RBFOX1: variants seen among roughly 807,000 people sequenced by gnomAD.
RBFOX1 encodes the protein RNA binding fox-1 homolog 1.
In RBFOX1, 8 loss-of-function variants were observed where a neutral mutation model predicts 57.7. The observed-to-expected ratio is 0.14, with a 90% confidence interval of 0.08 to 0.25. The LOEUF (loss-of-function observed/expected upper bound fraction) is 0.25. Among genes scored for constraint, RBFOX1 ranks in the 10% least tolerant of loss-of-function variants. The pLI is 1.00. For synonymous variants in RBFOX1, 326 were observed against 222.4 expected (o/e 1.47, Z -4.15); for missense variants, 611 against 548.5 (o/e 1.11, Z -1.14).
chr16:6,503,093 G>T (rs1054105828), intron 2 of RBFOX1, among the ~76,000 whole-genome samples: 11 of 152,148 alleles, frequency 7.2e-5, no homozygotes, highest in African/African-American at 2.7e-4. Context: ...ATTCTCAACA[G>T]ACCTAAGAAA....
At chr16:7,618,313 C>G (rs2058781294) in intron 10 of RBFOX1, among the ~76,000 whole-genome samples, 1 of 152,170 alleles carries the variant, frequency 6.6e-6, no homozygotes, top group Non-Finnish European at 1.5e-5. Flanking sequence ...GAGTAACAGT[C>G]TTATAATTAA....
At position 6,906,394 on chromosome 16, in the gene RBFOX1, G is replaced by C. The variant is rs538941900; in HGVS notation, c.-15-145663G>C. Among the ~76,000 whole-genome samples, 3 of 152,184 alleles carry C rather than the reference G, an allele frequency of 2.0e-5. No homozygotes were observed. The South Asian group carries it at 6.2e-4, about 32-fold the overall frequency. On this transcript the variant is annotated intron_variant, in intron 3 of 15. Transcript: ENST00000550418. ...AACACCGAAACTCATAAAAAATACA[G>C]GATAAACAATGCTGGAAGAAAATTA...
At chr16:5,966,450 C>CT (rs960664300) in intron 4 of RBFOX1, among the ~76,000 whole-genome samples, 4 of 152,068 alleles carry the variant, frequency 2.6e-5, no homozygotes, top group African/African-American at 9.6e-5. Context: ...ATGCCACACA[C>CT]TTTTTTTTGG....
chr16:6,172,284 C>G (rs927868428), intron 1 of RBFOX1, among the ~76,000 whole-genome samples: 1 of 151,294 alleles, frequency 6.6e-6, no homozygotes, highest in African/African-American at 2.4e-5. Flanking sequence ...CGGGGAGATA[C>G]AACGTCCTCA....
rs866776515 is a variant in RBFOX1 at position 7,332,706 on chromosome 16, G to C, written c.28-185441G>C. The C allele has an allele frequency of 3.8e-5, 39 of 1,018,758 alleles. No individual in the cohort carries two copies. The Middle Eastern group carries it at 1.9e-3, about 51-fold the overall frequency. The allele number at this position is 1,018,758 out of a possible 1,614,324, so 63.1% of individuals were successfully genotyped here. ...TCTCTCTGAGAACTAAATTAATGAAGAGTATTTGGTTAGTCATGTTAGGCA... is the reference window on the plus strand; with the variant it reads ...TCTCTCTGAGAACTAAATTAATGAACAGTATTTGGTTAGTCATGTTAGGCA... On this transcript the variant is annotated intron_variant, in intron 4 of 15. Transcript: ENST00000550418.
rs544758905 is a variant in RBFOX1 at position 5,871,636 on chromosome 16, C to A, written c.351+4301C>A. On this transcript the variant is annotated intron_variant, in intron 4 of 19. Transcript: ENST00000641259. ...CGTATGTCTGAGTCCTCTCCACCAC[C>A]AGCTGTATATTAACACAAAGATCTG... 6.9e-4 allele frequency among the ~76,000 whole-genome samples: 105 copies of A among 152,278 alleles called. No individual in the cohort carries two copies. In the South Asian group the frequency reaches 0.01, roughly 15 times the overall value.
chr16:6,520,845 T>A (rs2096484643), intron 2 of RBFOX1, among the ~76,000 whole-genome samples: 1 of 152,100 alleles, frequency 6.6e-6, no homozygotes, highest in Non-Finnish European at 1.5e-5. Flanking sequence ...CAAAAAGGAC[T>A]TTGAAGTGCT....
At chr16:7,698,100 G>T (rs1211125897) in intron 14 of RBFOX1, among the ~76,000 whole-genome samples, 1 of 152,040 alleles carries the variant, frequency 6.6e-6, no homozygotes, top group Non-Finnish European at 1.5e-5. Flanking sequence ...GAAAGTTAGT[G>T]GCTGAAAAAC....
intron 3 of RBFOX1, among the ~76,000 whole-genome samples, chr16:6,711,910 A>T (rs1215878735): frequency 6.6e-6 from 1 of 152,152 alleles, no homozygotes; most frequent in African/African-American, 2.4e-5. Flanking sequence ...GAGGTATTTT[A>T]TATTGAAAAT....
At chr16:7,176,445 CTA>C (rs2081661580) in intron 4 of RBFOX1, among the ~76,000 whole-genome samples, 1 of 151,906 alleles carries the variant, frequency 6.6e-6, no homozygotes, top group Non-Finnish European at 1.5e-5. Flanking sequence ...TACGAGGTAT[CTA>C]TTATGTGTAC....
At chr16:6,996,708 T>G (rs2092283091) in intron 3 of RBFOX1, among the ~76,000 whole-genome samples, 1 of 152,334 alleles carries the variant, frequency 6.6e-6, no homozygotes, top group East Asian at 1.9e-4. Flanking sequence ...CAATTGATAA[T>G]GCAGTGCTTC....
chr16:5,712,040 G>A (rs1032379777), intron 3 of RBFOX1, among the ~76,000 whole-genome samples: 1 of 152,226 alleles, frequency 6.6e-6, no homozygotes, highest in African/African-American at 2.4e-5. Context: ...TATGATGGAA[G>A]GGAAAGCAGG....
chr16:7,412,365 A>G (rs2098437663), intron 4 of RBFOX1, among the ~76,000 whole-genome samples: 1 of 149,948 alleles, frequency 6.7e-6, no homozygotes, highest in Non-Finnish European at 1.5e-5. Flanking sequence ...CAGGGAGCCG[A>G]GATCGCACCA....
intron 1 of RBFOX1, among the ~76,000 whole-genome samples, chr16:6,290,966 G>T (rs1411370527): frequency 6.6e-6 from 1 of 152,072 alleles, no homozygotes. Flanking sequence ...GCTGCTGGTT[G>T]CCTATTTTTG....
chr16:7,430,438 G>A (rs1182727025), intron 4 of RBFOX1, among the ~76,000 whole-genome samples: 1 of 152,096 alleles, frequency 6.6e-6, no homozygotes, highest in Non-Finnish European at 1.5e-5. Context: ...GAGGCAGGCA[G>A]ATCACAAGGT....
chr16:6,956,233 G>C (rs1427822143), intron 3 of RBFOX1, among the ~76,000 whole-genome samples: 1 of 152,156 alleles, frequency 6.6e-6, no homozygotes, highest in Non-Finnish European at 1.5e-5. Context: ...AGGCAGAGGA[G>C]AAGGACTTTG....
intron 3 of RBFOX1, among the ~76,000 whole-genome samples, chr16:5,714,888 A>T (rs563947655): frequency 6.4e-4 from 96 of 150,368 alleles, no homozygotes; most frequent in African/African-American, 2.4e-3. Context: ...CATCTCAGTG[A>T]CTTCAGTGTC....
chr16:6,032,069 T>C (rs541196039), intron 1 of RBFOX1, among the ~76,000 whole-genome samples: 1 of 152,230 alleles, frequency 6.6e-6, no homozygotes, highest in Non-Finnish European at 1.5e-5. Context: ...TTTTCAAGGA[T>C]TGTATTAGCA....
chr16:7,158,971 A>G (rs1455508118), intron 4 of RBFOX1, among the ~76,000 whole-genome samples: 1 of 152,074 alleles, frequency 6.6e-6, no homozygotes. Context: ...AAGATATACA[A>G]CAGTTCCATC....
Sources: gnomAD v4.1 joint callset for allele counts (sites outside exome capture counted in the v4.1 genomes callset) on GRCh38, gnomAD v4.1.1 for gene constraint, MANE v1.5 for transcripts, NCBI Gene and HGNC (gene_info 2026-07-23, HGNC 2026-07-21) for gene names.